Variants in SLC38A1 observed in about 807,000 individuals in gnomAD.
The protein encoded by SLC38A1 is solute carrier family 38 member 1, also known as sodium-coupled neutral amino acid symporter 1.
Under a neutral mutation model 60.3 loss-of-function variants are expected in SLC38A1, and 18 were observed. The observed-to-expected ratio is 0.30, with a 90% CI of 0.21 to 0.44. The LOEUF is 0.44. Ranked by LOEUF, SLC38A1 falls within the 20% of genes least tolerant of loss-of-function variation. The pLI is 1.00. For synonymous variants in SLC38A1, 196 were observed against 212.1 expected (o/e 0.92, Z 0.66); for missense variants, 448 against 587.2 (o/e 0.76, Z 2.45).
chr12:46,189,322 T>G (rs1321545001), intron 16 of SLC38A1, among the ~76,000 whole-genome samples: 2 of 151,914 alleles, frequency 1.3e-5, no homozygotes, highest in Non-Finnish European at 2.9e-5. Context: ...TTTGACTTCA[T>G]GGTCACCTCA....
chr12:46,207,693 C>A, intron 6 of SLC38A1, 72 bp from the exon 7 acceptor site: 3 of 1,415,100 alleles, frequency 2.1e-6, no homozygotes, highest in South Asian at 2.3e-5. Context: ...AAGATTTTGT[C>A]ATTCTATTGA....
intron 13 of SLC38A1, among the ~76,000 whole-genome samples, chr12:46,199,292 AGTTT>A (rs1939531569): frequency 6.9e-6 from 1 of 145,498 alleles, no homozygotes; most frequent in Admixed American, 6.9e-5. Flanking sequence ...AAAAAAAATT[AGTTT>A]ATGTACTACT....
At chr12:46,248,528 A>C (rs1055267156) in intron 1 of SLC38A1, among the ~76,000 whole-genome samples, 5 of 152,194 alleles carry the variant, frequency 3.3e-5, no homozygotes, top group African/African-American at 1.2e-4. Context: ...CAGACTCATA[A>C]AGCAAGTCCT....
At chr12:46,236,342 G>A (rs1009285954) in intron 3 of SLC38A1, among the ~76,000 whole-genome samples, 1 of 152,110 alleles carries the variant, frequency 6.6e-6, no homozygotes, top group Non-Finnish European at 1.5e-5. Flanking sequence ...GCATAAATGG[G>A]CTAACTAACC....
chr12:46,232,402 A>G (rs909866876), intron 3 of SLC38A1, among the ~76,000 whole-genome samples: 1 of 152,286 alleles, frequency 6.6e-6, no homozygotes, highest in African/African-American at 2.4e-5. Context: ...GAATGTTCTT[A>G]GCAAGAGATT....
chr12:46,209,057 T>A lies in SLC38A1; in HGVS notation c.385A>T (p.Thr129Ser). Residue 129 changes from threonine to serine, a missense_variant, in exon 6 of 17, where the codon ACA (threonine) becomes TCA (serine). Thr to Ser is a moderately conservative substitution (Grantham distance 58). Transcript: ENST00000398637. ...INLLLICSKE[T>S]GCMVYEKLGE... Reference sequence around the variant, plus strand: ...ATCAAACACGTCCTCAGCTTACCTGTTTCTTTTGAACAGATCAATAGGAGG... The same window carrying A: ...ATCAAACACGTCCTCAGCTTACCTGATTCTTTTGAACAGATCAATAGGAGG... The A allele has an allele frequency of 6.2e-7, 1 of 1,606,548 alleles. No homozygotes were observed. Among genetic ancestry groups the A allele is most frequent in the Non-Finnish European group, 8.5e-7 (1 of 1,176,158 alleles).
chr12:46,206,171 C>CAT lies in SLC38A1; in HGVS notation c.564-11_564-10dup, dbSNP rs759818596. On this transcript the variant is annotated splice_polypyrimidine_tract_variant and intron_variant, in intron 8 of 16. Transcript: ENST00000398637. ...CATCCACGTACCAGGCTCTGAAAGGCATTTAAGTGATTAGGTTATATTTTT... is the reference window on the plus strand; with the variant it reads ...CATCCACGTACCAGGCTCTGAAAGGCATATTTAAGTGATTAGGTTATATTTTT... 6.3e-6 allele frequency: 10 copies of CAT among 1,578,102 alleles called. No homozygotes were observed. Among genetic ancestry groups the CAT allele is most frequent in the Non-Finnish European group, 8.7e-6 (10 of 1,154,192 alleles).
intron 5 of SLC38A1, among the ~76,000 whole-genome samples, chr12:46,225,929 T>G (rs1256019656): frequency 6.6e-6 from 1 of 152,104 alleles, no homozygotes; most frequent in Non-Finnish European, 1.5e-5. Flanking sequence ...AATGGGAAAA[T>G]ATAAATTAAA....
At chr12:46,211,399 G>A (rs935254129) in intron 5 of SLC38A1, among the ~76,000 whole-genome samples, 1 of 151,908 alleles carries the variant, frequency 6.6e-6, no homozygotes, top group South Asian at 2.1e-4. Flanking sequence ...CTAGCAGGAG[G>A]GGATAATTAT....
Position 46,256,441 on chromosome 12 carries a change from T to C in SLC38A1, c.-209+12085A>G, listed in dbSNP as rs141237117. 3.0e-4 allele frequency among the ~76,000 whole-genome samples: 46 copies of C among 152,092 alleles called. 1 individual carries two copies. The highest frequency in any genetic ancestry group is 1.0e-3 in the African/African-American group (42 of 41,492). ...CACACACATACTACATATAAATACATAGACAAACAGAAGACAAAGGATGAT... is the reference window on the plus strand; with the variant it reads ...CACACACATACTACATATAAATACACAGACAAACAGAAGACAAAGGATGAT... On this transcript the variant is annotated intron_variant, in intron 1 of 16. Coordinates refer to ENST00000398637, the MANE Select transcript of SLC38A1 (RefSeq NM_030674.4).
chr12:46,226,418 CAG>C (rs983984213), intron 5 of SLC38A1, among the ~76,000 whole-genome samples: 6 of 151,046 alleles, frequency 4.0e-5, no homozygotes, highest in African/African-American at 1.5e-4. Flanking sequence ...AATATAGTAA[CAG>C]AAATAAAAAA....
In SLC38A1 at chr12:46,189,855, G is replaced by A. The variant is rs1033360552; in HGVS notation, c.1363-784C>T. The stretch of plus-strand genomic sequence containing the variant: ...TGACTTTGCTCCTTGTTTGCCCTCC[G>A]CTATGATTGTGAGGCCTCCCCAGTC... On this transcript the variant is annotated intron_variant, in intron 16 of 16. Coordinates refer to ENST00000398637, the MANE Select transcript of SLC38A1 (RefSeq NM_030674.4). 5.3e-5 allele frequency among the ~76,000 whole-genome samples: 8 copies of A among 152,178 alleles called. No homozygotes were observed. The East Asian group carries it at 7.7e-4, about 15-fold the overall frequency.
At chr12:46,237,294 T>C (rs1941292720) in intron 3 of SLC38A1, among the ~76,000 whole-genome samples, 1 of 152,216 alleles carries the variant, frequency 6.6e-6, no homozygotes, top group Admixed American at 6.5e-5. Flanking sequence ...TAGGTGTAGT[T>C]TTTGCAGGAA....
At chr12:46,215,378 T>C (rs1439998861) in intron 5 of SLC38A1, among the ~76,000 whole-genome samples, 1 of 152,164 alleles carries the variant, frequency 6.6e-6, no homozygotes, top group Non-Finnish European at 1.5e-5. Context: ...AAAAGTAAGA[T>C]CTCATCTGCT....
chr12:46,224,214 A>G (rs979540890), intron 5 of SLC38A1, among the ~76,000 whole-genome samples: 1 of 152,176 alleles, frequency 6.6e-6, no homozygotes, highest in Non-Finnish European at 1.5e-5. Context: ...GTGCCTCAGT[A>G]CATCCCTGAC....
intron 14 of SLC38A1, among the ~76,000 whole-genome samples, chr12:46,198,364 G>A (rs991928112): frequency 6.6e-6 from 1 of 152,056 alleles, no homozygotes; most frequent in Non-Finnish European, 1.5e-5. Context: ...ACTGAGATTT[G>A]AACATTCTAT....
At chr12:46,198,085 C>T in intron 14 of SLC38A1, 25 bp from the exon 15 acceptor site, 3 of 1,610,966 alleles carry the variant, frequency 1.9e-6, no homozygotes, top group Non-Finnish European at 2.5e-6. Context: ...AACAAAGATT[C>T]TGTAAGTGCC....
rs541179951 is a variant in SLC38A1, at chr12:46,205,112, G to A, written c.647-522C>T. Among the ~76,000 whole-genome samples, 6 of 152,262 alleles carry A rather than the reference G, an allele frequency of 3.9e-5. No individual in the cohort carries two copies. The South Asian group carries it at 1.2e-3, about 32-fold the overall frequency. On this transcript the variant is annotated intron_variant, in intron 9 of 16. Coordinates refer to ENST00000398637, the MANE Select transcript of SLC38A1 (RefSeq NM_030674.4). ...ATTGAGTATCTGGGGCTCTTTAGTA[G>A]CTCCCCTTAGAATGCCTGGGAGATC...
chr12:46,231,927 T>C (rs948860455), intron 3 of SLC38A1, among the ~76,000 whole-genome samples: 10 of 152,354 alleles, frequency 6.6e-5, no homozygotes, highest in Admixed American at 5.9e-4. Context: ...CATACACTTT[T>C]TTCAATGATG....
Sources: gnomAD v4.1 joint callset for allele counts (sites outside exome capture counted in the v4.1 genomes callset) on GRCh38, gnomAD v4.1.1 for gene constraint, MANE v1.5 for transcripts, NCBI Gene and HGNC (gene_info 2026-07-23, HGNC 2026-07-21) for gene names.